Variants in EPAS1 observed in about 807,000 individuals in gnomAD.
EPAS1 encodes endothelial PAS domain-containing protein 1.
A neutral mutation model predicts 87.9 loss-of-function variants in EPAS1; 23 were observed. The ratio of observed to expected loss-of-function variants is 0.26; its 90% CI spans 0.19 to 0.37. The LOEUF (loss-of-function observed/expected upper bound fraction) is 0.37. Among genes scored for constraint, EPAS1 ranks in the 10% least tolerant of loss-of-function variants. The pLI is 1.00. For missense variants in EPAS1, 1,138 were observed against 1,120.7 expected (o/e 1.02, Z -0.22); for synonymous variants, 508 against 444.3 (o/e 1.14, Z -1.80).
chr2:46,338,122 A>G lies in EPAS1; in HGVS notation c.27-8751A>G, dbSNP rs925476277. Among the ~76,000 whole-genome samples, 30 of 152,170 alleles carry G rather than the reference A, an allele frequency of 2.0e-4. 1 individual carries two copies. The highest frequency in any genetic ancestry group is 2.9e-4 in the Non-Finnish European group (20 of 68,028). On this transcript the variant is annotated intron_variant, in intron 1 of 15. Transcript: ENST00000263734. ...CTTGTAGGGAAGGTCACCCAATTAC[A>G]ATCAAGAATATGGGATTTAGGGTCA...
intron 1 of EPAS1, among the ~76,000 whole-genome samples, chr2:46,332,273 GAAAAAA>G (rs10566727): frequency 7.4e-6 from 1 of 135,714 alleles, no homozygotes; most frequent in Admixed American, 7.1e-5. Context: ...GTGTTTCACA[GAAAAAA>G]AAAAAAAAAT....
rs575229937 is a variant in EPAS1 at position 46,383,919 on chromosome 2, G to A, written c.2462-590G>A. Among the ~76,000 whole-genome samples the A allele has an allele frequency of 2.0e-5, 3 of 152,310 alleles. No individual in the cohort carries two copies. The South Asian group carries it at 6.2e-4, about 32-fold the overall frequency. On this transcript the variant is annotated intron_variant, in intron 15 of 15. Coordinates refer to ENST00000263734, the MANE Select transcript of EPAS1 (RefSeq NM_001430.5). ...AGGTGGGTGGGCATCTCCCATCGGAGGGGCAGAATGCAGGGCTTCCAGGCT... is the reference window on the plus strand; with the variant it reads ...AGGTGGGTGGGCATCTCCCATCGGAAGGGCAGAATGCAGGGCTTCCAGGCT...
chr2:46,331,772 G>A (rs529851807), intron 1 of EPAS1, among the ~76,000 whole-genome samples: 4 of 152,134 alleles, frequency 2.6e-5, no homozygotes, highest in South Asian at 4.1e-4. Flanking sequence ...TACTCAGGGA[G>A]AGCCACTGCA....
At position 46,384,593 on chromosome 2, in the gene EPAS1, C is replaced by T. The variant is rs751622129; in HGVS notation, c.2546C>T (p.Pro849Leu). Residue 849 changes from proline to leucine, a missense_variant, in exon 16 of 16, where the codon CCC becomes CTC. This residue lies in a region of EPAS1 where 502 missense variants were observed against 427.1 expected (regional missense o/e 1.18). Coordinates refer to ENST00000263734, the MANE Select transcript of EPAS1 (RefSeq NM_001430.5). ...LTRYDCEVNV[P>L]VLGSSTLLQG... ...AGATATGACTGTGAGGTGAACGTGC[C>T]CGTGCTGGGAAGCTCCACGCTCCTG... The T allele has an allele frequency of 6.2e-7, 1 of 1,614,144 alleles. No individual in the cohort carries two copies. The highest frequency in any genetic ancestry group is 1.1e-5 in the South Asian group (1 of 91,090).
chr2:46,302,149 T>TGTGTGTGTGC (rs1553387819), intron 1 of EPAS1, among the ~76,000 whole-genome samples: 1 of 126,976 alleles, frequency 7.9e-6, no homozygotes, highest in Non-Finnish European at 1.6e-5. Context: ...TGTGTGTGTG[T>TGTGTGTGTGC]GCCCGTGCGT....
chr2:46,349,138 G>A (rs1572632222), intron 2 of EPAS1, among the ~76,000 whole-genome samples: 2 of 152,308 alleles, frequency 1.3e-5, no homozygotes, highest in East Asian at 1.9e-4. Context: ...GGTATGGGGT[G>A]TGGGGGAAGG....
chr2:46,328,206 G>T (rs117829437), intron 1 of EPAS1, among the ~76,000 whole-genome samples: 3 of 152,078 alleles, frequency 2.0e-5, no homozygotes, highest in African/African-American at 7.2e-5. Flanking sequence ...AGGTCACCCC[G>T]GCCAGGAAAT....
chr2:46,328,629 T>C (rs1683611677), intron 1 of EPAS1, among the ~76,000 whole-genome samples: 1 of 152,234 alleles, frequency 6.6e-6, no homozygotes, highest in Non-Finnish European at 1.5e-5. Flanking sequence ...GTCCTAGTTA[T>C]AAATGTCACT....
At chr2:46,337,445 C>G (rs1403079393) in intron 1 of EPAS1, among the ~76,000 whole-genome samples, 1 of 152,182 alleles carries the variant, frequency 6.6e-6, no homozygotes, top group Non-Finnish European at 1.5e-5. Flanking sequence ...TAGCTAAGTC[C>G]CCCCTAGAGA....
chr2:46,301,259 C>T (rs1427389748), intron 1 of EPAS1, among the ~76,000 whole-genome samples: 1 of 151,948 alleles, frequency 6.6e-6, no homozygotes, highest in Non-Finnish European at 1.5e-5. Flanking sequence ...AAGACTTCTC[C>T]GGTCACAAGG....
At chr2:46,345,124 G>T (rs1488216447) in intron 1 of EPAS1, among the ~76,000 whole-genome samples, 2 of 152,152 alleles carry the variant, frequency 1.3e-5, no homozygotes, top group Non-Finnish European at 2.9e-5. Context: ...TATGAACTTC[G>T]CTGGATGCTT....
chr2:46,369,218 G>A (rs1684570574), intron 6 of EPAS1, among the ~76,000 whole-genome samples: 1 of 152,166 alleles, frequency 6.6e-6, no homozygotes, highest in South Asian at 2.1e-4. Flanking sequence ...GAGGGCACCT[G>A]AGGTCACAGG....
At chr2:46,339,466 A>G (rs1186067775) in intron 1 of EPAS1, among the ~76,000 whole-genome samples, 2 of 152,312 alleles carry the variant, frequency 1.3e-5, no homozygotes, top group South Asian at 2.1e-4. Context: ...CCAGTTCCAC[A>G]TACTCCCATT....
intron 2 of EPAS1, among the ~76,000 whole-genome samples, chr2:46,355,318 T>C (rs1425031217): frequency 1.3e-5 from 2 of 152,224 alleles, no homozygotes; most frequent in Non-Finnish European, 2.9e-5. Flanking sequence ...TCCAAAGAGG[T>C]TGTTACTTAT....
chr2:46,378,569 C>T, intron 10 of EPAS1, 88 bp from the exon 11 acceptor site: 1 of 1,097,202 alleles, frequency 9.1e-7, no homozygotes, highest in African/African-American at 1.5e-5. Flanking sequence ...ACCTTTGGGT[C>T]CAGGAAGGTA....
intron 1 of EPAS1, among the ~76,000 whole-genome samples, chr2:46,321,025 A>C (rs1448401090): frequency 6.6e-6 from 1 of 152,226 alleles, no homozygotes; most frequent in East Asian, 1.9e-4. Flanking sequence ...GTACTCATTA[A>C]ATAATAACTC....
intron 1 of EPAS1, among the ~76,000 whole-genome samples, chr2:46,308,628 A>G (rs1346845230): frequency 1.3e-5 from 2 of 152,230 alleles, no homozygotes. Context: ...AGAAAAAGGA[A>G]AAGAAAAAAT....
intron 1 of EPAS1, among the ~76,000 whole-genome samples, chr2:46,327,316 G>A (rs2104854818): frequency 6.6e-6 from 1 of 152,262 alleles, no homozygotes; most frequent in South Asian, 2.1e-4. Context: ...AGTGAGGAGA[G>A]GACATTAATA....
At chr2:46,304,411 C>T (rs929107556) in intron 1 of EPAS1, among the ~76,000 whole-genome samples, 3 of 152,170 alleles carry the variant, frequency 2.0e-5, no homozygotes, top group Non-Finnish European at 4.4e-5. Context: ...ATACGCCCTT[C>T]CCTTACTGAA....
Sources: gnomAD v4.1 joint callset for allele counts (sites outside exome capture counted in the v4.1 genomes callset) on GRCh38, gnomAD v4.1.1 for gene constraint, gnomAD v4.1.1 regional missense constraint, MANE v1.5 for transcripts, NCBI Gene and HGNC (gene_info 2026-07-23, HGNC 2026-07-21) for gene names.